Variants in PCDHA3 observed in about 807,000 individuals in gnomAD.
PCDHA3 encodes protocadherin alpha-3.
A neutral mutation model predicts 62.2 loss-of-function variants in PCDHA3; 41 were observed. The ratio of observed to expected loss-of-function variants is 0.66; its 90% CI spans 0.51 to 0.86. PCDHA3 has a LOEUF of 0.86. PCDHA3 is among the 40% of genes least tolerant of loss of function. The pLI is 0.00. For synonymous variants in PCDHA3, 640 were observed against 555.4 expected (o/e 1.15, Z -2.14); for missense variants, 1,304 against 1,241.2 (o/e 1.05, Z -0.76).
chr5:140,864,654 C>T (rs1554159035), intron 1 of PCDHA3: 1 of 152,246 alleles, frequency 6.6e-6, no homozygotes, highest in Non-Finnish European at 1.5e-5. Context: ...GTCAGCTCTA[C>T]TTAATTACCT....
chr5:140,839,117 T>C (rs1776042409), intron 1 of PCDHA3, among the ~76,000 whole-genome samples: 1 of 151,952 alleles, frequency 6.6e-6, no homozygotes, highest in Admixed American at 6.5e-5. Flanking sequence ...CATTAAGCCA[T>C]AATATGTCAT....
chr5:140,807,699 G>A (rs1267301172), intron 1 of PCDHA3: 1 of 1,614,214 alleles, frequency 6.2e-7, no homozygotes, highest in East Asian at 2.2e-5. Context: ...CTCACTTACA[G>A]ACTGAGCCCA....
intron 1 of PCDHA3, among the ~76,000 whole-genome samples, chr5:140,846,947 G>T (rs772178263): frequency 6.7e-6 from 1 of 149,632 alleles, no homozygotes; most frequent in African/African-American, 2.4e-5. Flanking sequence ...ACTTGAAGGG[G>T]CATGGTGTGT....
chr5:140,834,491 C>G (rs2150219703), intron 1 of PCDHA3: 164 of 1,614,076 alleles, frequency 1.0e-4, no homozygotes, highest in Non-Finnish European at 1.3e-4. Flanking sequence ...ACTCGGTCCC[C>G]GAGGAGGCTA....
chr5:140,829,646 G>A, intron 1 of PCDHA3: 2 of 1,612,376 alleles, frequency 1.2e-6, no homozygotes, highest in Non-Finnish European at 8.5e-7. Flanking sequence ...CAAGGTGTAC[G>A]CGCTGCAGCC....
At chr5:140,853,848 C>T (rs2042883759) in intron 1 of PCDHA3, 1 of 985,936 alleles carries the variant, frequency 1.0e-6, no homozygotes, top group Non-Finnish European at 1.2e-6. Context: ...AGATCCATAG[C>T]CCTATTTGAT....
chr5:140,995,245 A>G (rs2097671494), intron 3 of PCDHA3, among the ~76,000 whole-genome samples: 1 of 152,194 alleles, frequency 6.6e-6, no homozygotes, highest in African/African-American at 2.4e-5. Flanking sequence ...ATTAAGTAAA[A>G]TAAGGGTACT....
intron 1 of PCDHA3, among the ~76,000 whole-genome samples, chr5:140,969,920 A>G (rs1554232150): frequency 6.6e-6 from 1 of 152,226 alleles, no homozygotes; most frequent in African/African-American, 2.4e-5. Flanking sequence ...ATAAAGCTGT[A>G]GTATTTAGAC....
intron 1 of PCDHA3, chr5:140,829,384 C>T (rs1226785710): frequency 3.1e-6 from 5 of 1,614,060 alleles, no homozygotes; most frequent in Non-Finnish European, 4.2e-6. Context: ...GGGACGGGGG[C>T]TCGCCTTCGC....
chr5:140,973,073 C>T (rs1372527958), intron 1 of PCDHA3, among the ~76,000 whole-genome samples: 1 of 151,988 alleles, frequency 6.6e-6, no homozygotes, highest in Non-Finnish European at 1.5e-5. Context: ...TCTCAGTGGG[C>T]CCAGCTGGCA....
intron 3 of PCDHA3, among the ~76,000 whole-genome samples, chr5:141,005,774 G>A (rs2098239231): frequency 1.4e-5 from 2 of 144,252 alleles, no homozygotes; most frequent in Non-Finnish European, 3.0e-5. Flanking sequence ...AACCAGATGT[G>A]TAAAGATCCT....
In PCDHA3 at chr5:140,803,313, G is replaced by T; in HGVS notation, c.2116G>T (p.Ala706Ser). 1 of 1,614,142 alleles carries T rather than the reference G, an allele frequency of 6.2e-7. No homozygotes were observed. Among genetic ancestry groups the T allele is most frequent in the Non-Finnish European group, 8.5e-7 (1 of 1,179,994 alleles). Residue 706 changes from alanine (A) to serine (S), a missense_variant, in exon 1 of 4, where the codon GCG becomes TCG. Coordinates refer to ENST00000522353, the MANE Select transcript of PCDHA3 (RefSeq NM_018906.3). ...CGTGTACTTGATCGTCGCCATCTGCGCGGTGTCCAGTCTGTTGGTGCTCAC... is the reference window on the plus strand; with the variant it reads ...CGTGTACTTGATCGTCGCCATCTGCTCGGTGTCCAGTCTGTTGGTGCTCAC... ...VNVYLIVAIC[A>S]VSSLLVLTLL...
chr5:140,801,131 G>A lies in PCDHA3; in HGVS notation c.-67G>A, dbSNP rs992198799. On this transcript the variant is annotated 5_prime_UTR_variant, in exon 1 of 4. Transcript: ENST00000522353. The stretch of plus-strand genomic sequence containing the variant: ...CGAGGAGTTTAAGAAATGAAGATAA[G>A]GAACTCGAATTATTTTTAAACTTTG... 3.9e-6 allele frequency: 6 copies of A among 1,521,846 alleles called. No individual in the cohort carries two copies. Among genetic ancestry groups the A allele is most frequent in the Non-Finnish European group, 5.3e-6 (6 of 1,139,006 alleles). The allele number at this position is 1,521,846 out of a possible 1,614,324, so 94.3% of individuals were successfully genotyped here.
chr5:140,809,147 C>T (rs1554125027), intron 1 of PCDHA3: 4 of 1,613,916 alleles, frequency 2.5e-6, no homozygotes, highest in Non-Finnish European at 2.5e-6. Flanking sequence ...GGTGAAGGAC[C>T]ACGGCGAGCC....
At chr5:140,973,068 G>T (rs1563422416) in intron 1 of PCDHA3, among the ~76,000 whole-genome samples, 1 of 152,140 alleles carries the variant, frequency 6.6e-6, no homozygotes, top group Non-Finnish European at 1.5e-5. Context: ...CAGTGTCTCA[G>T]TGGGCCCAGC....
At chr5:140,831,140 A>G (rs1327824890) in intron 1 of PCDHA3, 1 of 152,182 alleles carries the variant, frequency 6.6e-6, no homozygotes, top group African/African-American at 2.4e-5. Flanking sequence ...TTATTGATTT[A>G]TTTACTACCG....
chr5:140,825,737 A>G (rs1768691911), intron 1 of PCDHA3: 1 of 152,398 alleles, frequency 6.6e-6, no homozygotes, highest in Admixed American at 6.5e-5. Context: ...TATTATATTG[A>G]TGAGGAGTAA....
At chr5:140,823,570 G>C in intron 1 of PCDHA3, 1 of 1,613,982 alleles carries the variant, frequency 6.2e-7, no homozygotes, top group Non-Finnish European at 8.5e-7. Flanking sequence ...AGTGGACCCT[G>C]ATTCGGGCTA....
At chr5:140,928,466 T>C in intron 1 of PCDHA3, 13 of 1,614,140 alleles carry the variant, frequency 8.1e-6, no homozygotes, top group Non-Finnish European at 1.1e-5. Context: ...CATTTCCAAG[T>C]AGAAGGCCGG....
Sources: allele counts gnomAD v4.1 joint callset (sites outside exome capture counted in the v4.1 genomes callset), GRCh38; gene constraint gnomAD v4.1.1; transcripts MANE v1.5; gene names NCBI Gene and HGNC (gene_info 2026-07-23, HGNC 2026-07-21).